Variants in PXK observed in about 807,000 individuals in gnomAD.
PXK encodes the protein PX domain containing serine/threonine kinase like, also known as PX domain-containing protein kinase-like protein.
PXK carries 35 observed loss-of-function variants against 84.7 expected under a neutral mutation model. That is an observed-to-expected ratio of 0.41 (90% CI 0.32 to 0.55). PXK has a LOEUF of 0.55. PXK is among the 20% of genes least tolerant of loss of function. PXK has a pLI of 0.21. For synonymous variants in PXK, 253 were observed against 260.8 expected (o/e 0.97, Z 0.29); for missense variants, 634 against 699.7 (o/e 0.91, Z 1.06).
rs1348023067 is a variant in PXK, at chr3:58,333,131, C to T, written c.102+41C>T. ...GGCGGGCGGGCGGCGTGGGGCGGCC[C>T]CGGGCCGCGAGGGGGCTGCGGGCTG... On this transcript the variant is annotated intron_variant, in intron 1 of 17. Transcript: ENST00000356151. The surrounding 1 kb of genome is among the most constrained non-coding windows in gnomAD (Gnocchi z 5.4). 3 of 1,062,940 alleles carry T rather than the reference C, an allele frequency of 2.8e-6. No individual in the cohort carries two copies. Among genetic ancestry groups the T allele is most frequent in the African/African-American group, 3.4e-5 (2 of 58,658 alleles). 65.8% of individuals were successfully genotyped at this position (1,062,940 alleles called of 1,614,324 possible). A position where few individuals can be genotyped will look rare whatever the true frequency, so the allele number is the denominator to read the frequency against.
chr3:58,404,069 A>G (rs2107423409), intron 13 of PXK, among the ~76,000 whole-genome samples, 159 bp downstream of exon 13: 1 of 152,348 alleles, frequency 6.6e-6, no homozygotes, highest in South Asian at 2.1e-4. Flanking sequence ...AATTTATGGT[A>G]CATCTATTTG....
chr3:58,422,241 C>T, intron 17 of PXK: 1 of 985,422 alleles, frequency 1.0e-6, no homozygotes, highest in African/African-American at 1.7e-5. Context: ...CTGCCTCCTC[C>T]AGTTTCCACC....
chr3:58,358,552 G>C (rs1028365298), intron 1 of PXK, among the ~76,000 whole-genome samples: 1 of 152,180 alleles, frequency 6.6e-6, no homozygotes, highest in Non-Finnish European at 1.5e-5. Context: ...CCATGGGCTG[G>C]TGTGACCTCT....
intron 1 of PXK, among the ~76,000 whole-genome samples, chr3:58,356,190 A>C (rs9862969): frequency 3.9e-5 from 6 of 152,128 alleles, no homozygotes; most frequent in Non-Finnish European, 5.9e-5. Context: ...GAATGCCCAC[A>C]TGCTAGGGCT....
chr3:58,416,459 G>C lies in PXK; in HGVS notation c.1528+3496G>C, dbSNP rs1340391888. 6.6e-6 allele frequency among the ~76,000 whole-genome samples: 1 copy of C among 152,126 alleles called. No individual in the cohort carries two copies. Among genetic ancestry groups the C allele is most frequent in the African/African-American group, 2.4e-5 (1 of 41,426 alleles). Reference sequence around the variant, plus strand: ...AAGGGTATGATCTAACCCCAGCAAGGCCTGTTTGTTCAGATTCTGCTTGGC... The same window carrying C: ...AAGGGTATGATCTAACCCCAGCAAGCCCTGTTTGTTCAGATTCTGCTTGGC... On this transcript the variant is annotated intron_variant, in intron 17 of 17. Coordinates refer to ENST00000356151, the MANE Select transcript of PXK (RefSeq NM_017771.5). The surrounding 1 kb of genome is among the most constrained non-coding windows in gnomAD (Gnocchi z 4.8).
In PXK at chr3:58,378,778, C is replaced by T. The variant is rs562511579; in HGVS notation, c.202-3736C>T. Among the ~76,000 whole-genome samples the T allele has an allele frequency of 1.8e-4, 27 of 152,038 alleles. No homozygotes were observed. In the South Asian group the frequency reaches 4.1e-3, roughly 23 times the overall value. On this transcript the variant is annotated intron_variant, in intron 3 of 17. Transcript: ENST00000356151. ...CTCAAACTCCCGACTTCAGGTGATT[C>T]GCCTGCCTCGGCCTCCCAAAGTGCT...
At chr3:58,373,856 T>TAA (rs1206169348) in intron 3 of PXK, among the ~76,000 whole-genome samples, 1 of 151,792 alleles carries the variant, frequency 6.6e-6, no homozygotes, top group Non-Finnish European at 1.5e-5. Context: ...CCATCCTGGC[T>TAA]AACATGGTGA....
At chr3:58,339,240 T>A (rs1284670883) in intron 1 of PXK, among the ~76,000 whole-genome samples, 1 of 144,210 alleles carries the variant, frequency 6.9e-6, no homozygotes. Flanking sequence ...TTTTTTTTGT[T>A]TTTTTTTTTA....
At position 58,395,014 on chromosome 3, in the gene PXK, G is replaced by T. The variant is rs1211463443; in HGVS notation, c.632G>T (p.Arg211Leu). Residue 211 changes from arginine (R) to leucine (L), a missense_variant, in exon 8 of 18, where the codon CGG becomes CTG. Arg to Leu is a moderately radical substitution (Grantham distance 102). Around this residue, in one of 3 missense-constraint regions of PXK, gnomAD observed 353 missense variants for 385.2 expected, o/e 0.92. Transcript: ENST00000356151. ...TTTTGACAGCACCCTTACATCTATC[G>T]GGTTACCTTTGCCACAGCTAATGAA... The part of the protein sequence containing the change: ...LPSCLHPYIY[R>L]VTFATANESS... The T allele has an allele frequency of 6.8e-6, 11 of 1,612,560 alleles. No homozygotes were observed. The highest frequency in any genetic ancestry group is 9.3e-6 in the Non-Finnish European group (11 of 1,178,810).
intron 16 of PXK, 122 bp downstream of exon 16, chr3:58,410,281 A>T: frequency 3.1e-6 from 2 of 652,662 alleles, no homozygotes; most frequent in Non-Finnish European, 5.5e-6. Flanking sequence ...ATGACTACAG[A>T]GAACAAAATA....
chr3:58,370,723 A>G lies in PXK; in HGVS notation c.201+1245A>G, dbSNP rs1226773586. On this transcript the variant is annotated intron_variant, in intron 3 of 17. Coordinates refer to ENST00000356151, the MANE Select transcript of PXK (RefSeq NM_017771.5). This position sits in a 1 kb window ranked among gnomAD's most constrained non-coding sequence, Gnocchi z 4.2. ...TTCAGAAAATAAGCATTTGGGCCAC[A>G]CGTCGTGGCTCACTCCCGTAATCCC... 6.6e-6 allele frequency among the ~76,000 whole-genome samples: 1 copy of G among 152,090 alleles called. No homozygotes were observed. The highest frequency in any genetic ancestry group is 6.5e-5 in the Admixed American group (1 of 15,268).
intron 1 of PXK, among the ~76,000 whole-genome samples, chr3:58,346,490 A>G (rs4681680): frequency 0.24 from 36,230 of 151,836 alleles, 4,501 homozygotes; most frequent in African/African-American, 0.3. Flanking sequence ...TACAAGGTAG[A>G]TGAAGGGTAG....
At position 58,409,560 on chromosome 3, in the gene PXK, C is replaced by A. The variant is rs1419316590; in HGVS notation, c.1337C>A (p.Ala446Asp). The A allele has an allele frequency of 6.2e-7, 1 of 1,613,638 alleles. No individual in the cohort carries two copies. The highest frequency in any genetic ancestry group is 8.5e-7 in the Non-Finnish European group (1 of 1,179,890). ...QIHQHRRLTR[A>D]QSHHGSEEER... Reference sequence around the variant, plus strand: ...CACCAGCATCGAAGACTGACAAGAGCTCAGTCCCACCATGGATCTGAGGAG... The same window carrying A: ...CACCAGCATCGAAGACTGACAAGAGATCAGTCCCACCATGGATCTGAGGAG... The change falls in exon 15 of 18, where the codon GCT (alanine) becomes GAT (aspartate). Residue 446 changes from alanine (A) to aspartate (D), a missense_variant. Physicochemically the swap from Ala to Asp is moderately radical, Grantham distance 126. Around this residue, in one of 3 missense-constraint regions of PXK, gnomAD observed 273 missense variants for 283.6 expected, o/e 0.96. Transcript: ENST00000356151. This position sits in a 1 kb window ranked among gnomAD's most constrained non-coding sequence, Gnocchi z 4.2.
chr3:58,420,274 G>C (rs984476176), intron 17 of PXK, among the ~76,000 whole-genome samples: 17 of 152,130 alleles, frequency 1.1e-4, no homozygotes, highest in Admixed American at 6.5e-5. Context: ...CAAAGAACAT[G>C]AAGAAAGTGA....
At chr3:58,337,195 A>G (rs1208975496) in intron 1 of PXK, among the ~76,000 whole-genome samples, 1 of 152,186 alleles carries the variant, frequency 6.6e-6, no homozygotes, top group African/African-American at 2.4e-5. Flanking sequence ...GTTTTTGAGA[A>G]ACAGATAATT....
intron 17 of PXK, among the ~76,000 whole-genome samples, chr3:58,419,950 C>T (rs1045738690): frequency 1.3e-5 from 2 of 152,222 alleles, no homozygotes; most frequent in Non-Finnish European, 2.9e-5. Flanking sequence ...TAGGGAGGGG[C>T]TCACAGGGCC....
chr3:58,392,238 T>C (rs2098638545), intron 7 of PXK, among the ~76,000 whole-genome samples: 1 of 152,196 alleles, frequency 6.6e-6, no homozygotes, highest in African/African-American at 2.4e-5. Context: ...AAAATAGCCA[T>C]TTTTCTGTCT....
chr3:58,405,385 A>C (rs1057466492), intron 13 of PXK, among the ~76,000 whole-genome samples: 2 of 152,126 alleles, frequency 1.3e-5, no homozygotes. Flanking sequence ...AAAGCTAATA[A>C]ATTAAGAAAT....
chr3:58,346,999 C>T (rs752689905), intron 1 of PXK, among the ~76,000 whole-genome samples: 8 of 152,046 alleles, frequency 5.3e-5, no homozygotes, highest in South Asian at 2.1e-4. Context: ...CCACCATGCC[C>T]GGCTAATTTT....
Sources: allele counts gnomAD v4.1 joint callset (sites outside exome capture counted in the v4.1 genomes callset), GRCh38; gene constraint gnomAD v4.1.1; regional missense constraint gnomAD v4.1.1; non-coding constraint Gnocchi (gnomAD v3.1); transcripts MANE v1.5; gene names NCBI Gene and HGNC (gene_info 2026-07-23, HGNC 2026-07-21).